The following SKP2 variants were observed in gnomAD, a reference collection of about 807,000 sequenced individuals.
SKP2 encodes S-phase kinase associated protein 2.
In SKP2, 16 loss-of-function variants were observed where a neutral mutation model predicts 51.8. That is an observed-to-expected ratio of 0.31 (90% CI 0.21 to 0.47). SKP2 has a LOEUF of 0.47. Among genes scored for constraint, SKP2 ranks in the 20% least tolerant of loss-of-function variants. The pLI is 1.00. For missense variants in SKP2, 377 were observed against 505.3 expected, an observed-to-expected ratio of 0.75 and a Z score of 2.43; for synonymous variants, 176 against 198.6, an observed-to-expected ratio of 0.89 and a Z score of 0.96.
intron 7 of SKP2, among the ~76,000 whole-genome samples, chr5:36,174,794 G>A (rs1181954869): frequency 6.6e-6 from 1 of 152,114 alleles, no homozygotes; most frequent in African/African-American, 2.4e-5. Flanking sequence ...CTGACTGAGT[G>A]AAGAAGGAAT....
rs1745432852 is a variant in SKP2 at position 36,170,433 on chromosome 5, G to C, written c.761G>C (p.Ser254Thr). 6.2e-7 allele frequency: 1 copy of C among 1,601,238 alleles called. No homozygotes were observed. Among genetic ancestry groups the C allele is most frequent in the Non-Finnish European group, 8.6e-7 (1 of 1,169,136 alleles). Reference sequence around the variant, plus strand: ...TTTGCCCTGCAGACTTTGCTAAGCAGCTGTTCCAGGTATGAAAGATGTGAG... The same window carrying C: ...TTTGCCCTGCAGACTTTGCTAAGCACCTGTTCCAGGTATGAAAGATGTGAG... ...SEFALQTLLS[S>T]CSRLDELNLS... The change falls in exon 6 of 10, where the codon AGC (serine) becomes ACC (threonine). Residue 254 changes from serine to threonine, a missense_variant. Ser to Thr is a moderately conservative substitution (Grantham distance 58, BLOSUM62 1). Coordinates refer to ENST00000274255, the MANE Select transcript of SKP2 (RefSeq NM_005983.4).
chr5:36,158,073 C>T (rs992218880), intron 2 of SKP2, among the ~76,000 whole-genome samples: 1 of 152,122 alleles, frequency 6.6e-6, no homozygotes, highest in African/African-American at 2.4e-5. Flanking sequence ...CTGGTTTGGC[C>T]CAGTTTTTGC....
At chr5:36,177,049 G>T in intron 8 of SKP2, 33 bp downstream of exon 8, 2 of 1,501,420 alleles carry the variant, frequency 1.3e-6, no homozygotes, top group Non-Finnish European at 1.8e-6. Flanking sequence ...TAGATCAAAA[G>T]TTGAAAAATC....
downstream of SKP2, among the ~76,000 whole-genome samples, chr5:36,189,290 G>A (rs2112025807): frequency 6.6e-6 from 1 of 152,338 alleles, no homozygotes; most frequent in African/African-American, 2.4e-5. Flanking sequence ...TTTGGAGGGG[G>A]AGAGGTGCTC....
chr5:36,167,622 T>A (rs981662374), intron 4 of SKP2, among the ~76,000 whole-genome samples: 9 of 151,460 alleles, frequency 5.9e-5, no homozygotes, highest in Admixed American at 5.9e-4. Context: ...CCTTTTTTTT[T>A]ATTGTTTTTG....
intron 7 of SKP2, chr5:36,192,859 A>AAAT (rs1242214587): frequency 2.0e-5 from 3 of 152,190 alleles, no homozygotes; most frequent in Admixed American, 6.5e-5. Context: ...CTTGAGAGGG[A>AAAT]AATAAGAAAT....
chr5:36,188,310 G>T (rs1239152801), downstream of SKP2, among the ~76,000 whole-genome samples: 2 of 152,224 alleles, frequency 1.3e-5, no homozygotes, highest in African/African-American at 2.4e-5. Flanking sequence ...AGTTGATGCA[G>T]TTTCTTTCTA....
At position 36,164,914 on chromosome 5, in the gene SKP2, A is replaced by G. The variant is rs530566425; in HGVS notation, c.392+1158A>G. 4.6e-5 allele frequency among the ~76,000 whole-genome samples: 7 copies of G among 152,296 alleles called. 1 individual carries two copies. In the South Asian group the frequency reaches 1.4e-3, roughly 32 times the overall value. On this transcript the variant is annotated intron_variant, in intron 3 of 9. Transcript: ENST00000274255. ...ACATAGTTACCTATTTTTTGTGGCA[A>G]AAGCACCTAAAATTTACTCTTTTAG...
In SKP2 at chr5:36,184,055, CT is replaced by C; in HGVS notation, c.*2030del. 2.0e-6 allele frequency: 2 copies of C among 1,009,630 alleles called. No individual in the cohort carries two copies. The highest frequency in any genetic ancestry group is 2.9e-6 in the Non-Finnish European group (2 of 681,564). The allele number at this position is 1,009,630 out of a possible 1,614,324, so 62.5% of individuals were successfully genotyped here. On this transcript the variant is annotated 3_prime_UTR_variant, in exon 10 of 10. Coordinates refer to ENST00000274255, the MANE Select transcript of SKP2 (RefSeq NM_005983.4). Reference sequence around the variant, plus strand: ...TGAGTGCTTAAACTAAGTTGTATTCCTTTTTTCTTTCTCTTTTTTTAAGTGC... The same window carrying C: ...TGAGTGCTTAAACTAAGTTGTATTCCTTTTTCTTTCTCTTTTTTTAAGTGC...
rs1227189814 is a variant in SKP2, at chr5:36,152,181, C to G, written c.-82C>G. 7.3e-6 allele frequency: 11 copies of G among 1,509,874 alleles called. No homozygotes were observed. The highest frequency in any genetic ancestry group is 1.4e-5 in the African/African-American group (1 of 72,744). 93.5% of individuals were successfully genotyped at this position (1,509,874 alleles called of 1,614,324 possible). ...GGCCCGAGCAGCACGCTCGGAGCCGCCGCGCGCCAAAGCGGGAATCTGGGA... is the reference window on the plus strand; with the variant it reads ...GGCCCGAGCAGCACGCTCGGAGCCGGCGCGCGCCAAAGCGGGAATCTGGGA... On this transcript the variant is annotated 5_prime_UTR_variant, in exon 1 of 10. Coordinates refer to ENST00000274255, the MANE Select transcript of SKP2 (RefSeq NM_005983.4).
Position 36,171,609 on chromosome 5 carries a change from T to C in SKP2, c.777T>C (p.Asp259=). 6.2e-7 allele frequency: 1 copy of C among 1,613,760 alleles called. No homozygotes were observed. The highest frequency in any genetic ancestry group is 8.5e-7 in the Non-Finnish European group (1 of 1,179,692). Residue 259 remains aspartate, a synonymous_variant, in exon 7 of 10, where the codon GAT becomes GAC. Coordinates refer to ENST00000274255, the MANE Select transcript of SKP2 (RefSeq NM_005983.4). Reference sequence around the variant, plus strand: ...TTACCCCTCTTTTGTGCAGACTGGATGAGCTGAACCTCTCCTGGTGTTTTG... The same window carrying C: ...TTACCCCTCTTTTGTGCAGACTGGACGAGCTGAACCTCTCCTGGTGTTTTG... ...QTLLSSCSRL[D]ELNLSWCFDF...
At chr5:36,159,669 C>T (rs72744536) in intron 2 of SKP2, among the ~76,000 whole-genome samples, 1,722 of 152,248 alleles carry the variant, frequency 0.011, 14 homozygotes, top group Non-Finnish European at 0.018. Flanking sequence ...TACTGGAGTC[C>T]CCAGAAGATT....
intron 5 of SKP2, among the ~76,000 whole-genome samples, chr5:36,169,368 C>G (rs897606170): frequency 3.3e-5 from 5 of 151,938 alleles, no homozygotes; most frequent in African/African-American, 1.2e-4. Context: ...TCGCTTGAAC[C>G]CGGGAGGCGG....
chr5:36,164,009 G>A (rs1745208113), intron 3 of SKP2, among the ~76,000 whole-genome samples: 2 of 152,194 alleles, frequency 1.3e-5, no homozygotes, highest in Admixed American at 6.5e-5. Flanking sequence ...ATGGGATGCT[G>A]ACTGTAGGCC....
chr5:36,161,894 C>G (rs1163646373), intron 2 of SKP2, among the ~76,000 whole-genome samples: 1 of 152,198 alleles, frequency 6.6e-6, no homozygotes, highest in Non-Finnish European at 1.5e-5. Flanking sequence ...GGAAGGCAAT[C>G]ATTGAACTCA....
chr5:36,183,355 C>A lies in SKP2; in HGVS notation c.*1324C>A, dbSNP rs1034316824. 32 of 283,648 alleles carry A rather than the reference C, an allele frequency of 1.1e-4. No homozygotes were observed. Among genetic ancestry groups the A allele is most frequent in the Admixed American group, 2.6e-4 (4 of 15,386 alleles). The allele number at this position is 283,648 out of a possible 1,614,324, so 17.6% of individuals were successfully genotyped here. A position where few individuals can be genotyped will look rare whatever the true frequency, so the allele number is the denominator to read the frequency against. On this transcript the variant is annotated 3_prime_UTR_variant, in exon 10 of 10. Coordinates refer to ENST00000274255, the MANE Select transcript of SKP2 (RefSeq NM_005983.4). ...GATCTCGGCTCACTGCAAGCTCCGC[C>A]TCCCAGGTTCACGTCATTCTCCTGC...
At chr5:36,165,495 C>G (rs1159206184) in intron 3 of SKP2, among the ~76,000 whole-genome samples, 1 of 152,164 alleles carries the variant, frequency 6.6e-6, no homozygotes, top group African/African-American at 2.4e-5. Context: ...GCATGAGATT[C>G]AAGACAACCA....
intron 6 of SKP2, among the ~76,000 whole-genome samples, chr5:36,191,963 C>G (rs1231200099): frequency 6.6e-6 from 1 of 152,152 alleles, no homozygotes; most frequent in East Asian, 1.9e-4. Context: ...AATCTAAATA[C>G]TAAAATGCCG....
chr5:36,170,935 A>G (rs1745452019), intron 6 of SKP2, among the ~76,000 whole-genome samples: 1 of 152,196 alleles, frequency 6.6e-6, no homozygotes, highest in Admixed American at 6.5e-5. Context: ...TTTTTGGAAT[A>G]CACAGTACTA....
Sources: allele counts gnomAD v4.1 joint callset (sites outside exome capture counted in the v4.1 genomes callset), GRCh38; gene constraint gnomAD v4.1.1; transcripts MANE v1.5; gene names NCBI Gene and HGNC (gene_info 2026-07-23, HGNC 2026-07-21).